SLC41A3: variants seen among roughly 807,000 people sequenced by gnomAD.
SLC41A3 encodes the protein SLC41A1-like 2.
A neutral mutation model predicts 45.4 loss-of-function variants in SLC41A3; 44 were observed. That is an observed-to-expected ratio of 0.97 (90% CI 0.76 to 1.25). SLC41A3 has a LOEUF of 1.25. SLC41A3 is among the 50% of genes most tolerant of loss of function. The pLI, the probability that SLC41A3 is intolerant of heterozygous loss-of-function variation, is 0.00. For missense variants in SLC41A3, 550 were observed against 600.6 expected (o/e 0.92, Z 0.88); for synonymous variants, 256 against 252.4 (o/e 1.01, Z -0.13).
At chr3:126,079,240 C>CA (rs35781435) in intron 1 of SLC41A3, among the ~76,000 whole-genome samples, 21,474 of 100,658 alleles carry the variant, frequency 0.21, 1,996 homozygotes, top group African/African-American at 0.33. Context: ...ACACACACAC[C>CA]CACACACGAT....
upstream of SLC41A3, among the ~76,000 whole-genome samples, chr3:126,089,231 A>C (rs1034437520): frequency 6.6e-6 from 1 of 152,190 alleles, no homozygotes; most frequent in African/African-American, 2.4e-5. Flanking sequence ...AAGCCTTATC[A>C]AATTTGCTAT....
chr3:126,082,499 A>C (rs1228553784), intron 1 of SLC41A3, among the ~76,000 whole-genome samples: 2 of 152,180 alleles, frequency 1.3e-5, no homozygotes, highest in African/African-American at 2.4e-5. Context: ...TGTGCCTTGA[A>C]AGGGGCTAGG....
intron 3 of SLC41A3, among the ~76,000 whole-genome samples, chr3:126,044,377 A>T (rs1441862236): frequency 1.3e-5 from 2 of 152,224 alleles, no homozygotes; most frequent in African/African-American, 2.4e-5. Flanking sequence ...CTTCAATACC[A>T]CATCATCAAT....
intron 2 of SLC41A3, 69 bp from the exon 3 acceptor site, chr3:126,051,119 G>T: frequency 2.8e-6 from 4 of 1,450,956 alleles, no homozygotes; most frequent in Non-Finnish European, 3.7e-6. Flanking sequence ...TTTCTTGAGA[G>T]AACCTTCAGC....
intron 1 of SLC41A3, among the ~76,000 whole-genome samples, chr3:126,095,631 C>T (rs1217913078): frequency 2.0e-5 from 3 of 152,212 alleles, no homozygotes; most frequent in African/African-American, 4.8e-5. Flanking sequence ...CATAATAAAT[C>T]TGTTCCTATA....
At chr3:126,030,867 AG>A (rs771745200) in intron 4 of SLC41A3, among the ~76,000 whole-genome samples, 5 of 152,258 alleles carry the variant, frequency 3.3e-5, no homozygotes, top group Non-Finnish European at 7.3e-5. Flanking sequence ...TATACATTGA[AG>A]GGGGTCAATG....
chr3:126,028,844 G>A (rs1941576581), intron 4 of SLC41A3, among the ~76,000 whole-genome samples: 1 of 152,376 alleles, frequency 6.6e-6, no homozygotes, highest in South Asian at 2.1e-4. Flanking sequence ...TGTGAGACAT[G>A]GAGTTAAAGG....
intron 1 of SLC41A3, among the ~76,000 whole-genome samples, chr3:126,077,600 T>C (rs1322776828): frequency 1.3e-5 from 2 of 152,180 alleles, no homozygotes; most frequent in African/African-American, 4.8e-5. Context: ...AATGTCTACA[T>C]GCCTGCTTGT....
At chr3:126,063,197 T>C (rs1246096784) in intron 2 of SLC41A3, among the ~76,000 whole-genome samples, 2 of 152,132 alleles carry the variant, frequency 1.3e-5, no homozygotes, top group African/African-American at 2.4e-5. Context: ...TCCTTAAAAA[T>C]AGAATGGAGC....
At chr3:126,022,448 C>T (rs905677692) in intron 6 of SLC41A3, among the ~76,000 whole-genome samples, 8 of 152,196 alleles carry the variant, frequency 5.3e-5, no homozygotes, top group Non-Finnish European at 1.0e-4. Flanking sequence ...TTCTTGCTGG[C>T]GGGGACTCTG....
intron 1 of SLC41A3, among the ~76,000 whole-genome samples, chr3:126,093,018 C>T (rs1012786435): frequency 7.9e-5 from 12 of 152,122 alleles, no homozygotes; most frequent in Admixed American, 5.2e-4. Flanking sequence ...AGTGACTGTT[C>T]GAGCAGCACC....
intron 1 of SLC41A3, among the ~76,000 whole-genome samples, chr3:126,095,801 T>C (rs1945588446): frequency 6.6e-6 from 1 of 152,246 alleles, no homozygotes; most frequent in South Asian, 2.1e-4. Flanking sequence ...AGGGGATATT[T>C]AGCTTGAATT....
At chr3:126,062,758 G>A (rs1460120479) in intron 2 of SLC41A3, among the ~76,000 whole-genome samples, 5 of 152,158 alleles carry the variant, frequency 3.3e-5, no homozygotes, top group Admixed American at 3.3e-4. Context: ...TTCTTTTTGG[G>A]TTTTGGAAGC....
chr3:126,080,994 G>T (rs1393462272), intron 1 of SLC41A3, among the ~76,000 whole-genome samples: 5 of 151,730 alleles, frequency 3.3e-5, no homozygotes, highest in Non-Finnish European at 2.9e-5. Flanking sequence ...CATATGATCC[G>T]GCAATCCCAC....
intron 2 of SLC41A3, among the ~76,000 whole-genome samples, chr3:126,059,743 T>C (rs1049296986): frequency 6.6e-6 from 1 of 152,196 alleles, no homozygotes; most frequent in Non-Finnish European, 1.5e-5. Flanking sequence ...GGCCTGATTC[T>C]GAGAGAAGTG....
intron 1 of SLC41A3, among the ~76,000 whole-genome samples, chr3:126,081,222 A>G (rs1945133911): frequency 6.6e-6 from 1 of 152,246 alleles, no homozygotes; most frequent in Non-Finnish European, 1.5e-5. Context: ...TATAGATGGA[A>G]CTGGAGGTCA....
At chr3:126,014,741 T>C (rs770163634) in intron 8 of SLC41A3, among the ~76,000 whole-genome samples, 2 of 152,242 alleles carry the variant, frequency 1.3e-5, no homozygotes, top group Non-Finnish European at 2.9e-5. Context: ...CTTCAGTCCC[T>C]GCAGGCCAGG....
chr3:126,074,680 GTTT>G (rs922179725), intron 1 of SLC41A3, among the ~76,000 whole-genome samples: 2 of 148,358 alleles, frequency 1.3e-5, no homozygotes, highest in African/African-American at 5.0e-5. Context: ...TTTGGTTGTT[GTTT>G]TTTTTTTGTT....
intron 2 of SLC41A3, among the ~76,000 whole-genome samples, chr3:126,051,516 C>G (rs186240394): frequency 1.3e-5 from 2 of 150,722 alleles, no homozygotes; most frequent in Non-Finnish European, 3.0e-5. Context: ...CCAGGGACTG[C>G]GTGCCTGCTG....
Sources: gnomAD v4.1 joint callset for allele counts (sites outside exome capture counted in the v4.1 genomes callset) on GRCh38, gnomAD v4.1.1 for gene constraint, MANE v1.5 for transcripts, NCBI Gene and HGNC (gene_info 2026-07-23, HGNC 2026-07-21) for gene names.